The following ZNG1F variants were observed in gnomAD, a reference collection of about 807,000 sequenced individuals.
ZNG1F encodes Zn regulated GTPase metalloprotein activator 1F, also known as zinc-regulated GTPase metalloprotein activator 1F.
the ZNG1F span, among the ~76,000 whole-genome samples, chr9:41,201,350 C>A: frequency 9.0e-6 from 1 of 111,380 alleles, no homozygotes; most frequent in African/African-American, 3.1e-5. Context: ...ACATGAACTA[C>A]CTCAGGGAGT....
At chr9:41,183,810 G>A in the ZNG1F span, 2 of 1,247,586 alleles carry the variant, frequency 1.6e-6, no homozygotes, top group South Asian at 1.5e-5. Flanking sequence ...TATTCATGCA[G>A]CCTTGATACC....
chr9:41,183,335 T>G, the ZNG1F span, among the ~76,000 whole-genome samples: 2 of 123,150 alleles, frequency 1.6e-5, no homozygotes, highest in African/African-American at 3.2e-5. Flanking sequence ...AGCCCTGACA[T>G]CAAAAGCAAT....
At chr9:41,175,087 C>G in the ZNG1F span, among the ~76,000 whole-genome samples, 1 of 145,316 alleles carries the variant, frequency 6.9e-6, no homozygotes, top group Non-Finnish European at 1.5e-5. Flanking sequence ...CAGTTAGTGA[C>G]AGGGCTGTCT....
chr9:41,175,133 A>T, the ZNG1F span, among the ~76,000 whole-genome samples: 1 of 148,510 alleles, frequency 6.7e-6, no homozygotes, highest in East Asian at 2.0e-4. Context: ...AAGGATAATC[A>T]AACTCATTCC....
chr9:41,203,075 A>G, the ZNG1F span, among the ~76,000 whole-genome samples: 2 of 152,354 alleles, frequency 1.3e-5, no homozygotes, highest in Admixed American at 1.3e-4. Context: ...CAGGTTATAT[A>G]TTTTTGGCAG....
the ZNG1F span, among the ~76,000 whole-genome samples, chr9:41,155,361 G>A: frequency 6.7e-6 from 1 of 148,966 alleles, no homozygotes; most frequent in South Asian, 2.1e-4. Context: ...AACAACAGGT[G>A]CTGGAGAGGA....
the ZNG1F span, among the ~76,000 whole-genome samples, chr9:41,150,035 G>A: frequency 2.6e-4 from 10 of 38,024 alleles, 5 homozygotes; most frequent in African/African-American, 3.4e-4. Context: ...GAAGACAGGC[G>A]ATTTCTACAT....
chr9:41,199,741 T>C, the ZNG1F span, among the ~76,000 whole-genome samples: 7 of 152,054 alleles, frequency 4.6e-5, no homozygotes, highest in African/African-American at 9.7e-5. Flanking sequence ...GACCCACCCC[T>C]ACAGCAAACT....
At chr9:41,132,041 T>C in the ZNG1F span, 6 of 1,389,914 alleles carry the variant, frequency 4.3e-6, no homozygotes, top group Non-Finnish European at 5.8e-6. Flanking sequence ...TTTCTAAAAT[T>C]GAAGAAGAAC....
At chr9:41,154,700 G>A in the ZNG1F span, among the ~76,000 whole-genome samples, 37 of 149,122 alleles carry the variant, frequency 2.5e-4, 3 homozygotes, top group East Asian at 5.9e-4. Flanking sequence ...AAATAATGCC[G>A]CATATCTACA....
the ZNG1F span, among the ~76,000 whole-genome samples, chr9:41,183,924 C>A: frequency 6.8e-6 from 1 of 147,912 alleles, no homozygotes; most frequent in Non-Finnish European, 1.5e-5. Flanking sequence ...CTCCTTAGGC[C>A]TCTTACTTGG....
chr9:41,204,748 G>A, the ZNG1F span, among the ~76,000 whole-genome samples: 2 of 43,802 alleles, frequency 4.6e-5, no homozygotes, highest in African/African-American at 1.0e-4. Context: ...CACTTCCAAC[G>A]TTTAATTTTG....
the ZNG1F span, chr9:41,183,538 A>G: frequency 9.5e-6 from 15 of 1,570,896 alleles, 1 homozygote; most frequent in East Asian, 3.4e-4. Context: ...CTAGTAAACC[A>G]TGTACACAGT....
At chr9:41,144,421 G>A in the ZNG1F span, among the ~76,000 whole-genome samples, 3 of 123,316 alleles carry the variant, frequency 2.4e-5, no homozygotes, top group Admixed American at 8.9e-5. Flanking sequence ...CTATCTCCAA[G>A]GACTTGTATT....
chr9:41,183,168 G>A, the ZNG1F span, among the ~76,000 whole-genome samples: 1 of 138,462 alleles, frequency 7.2e-6, no homozygotes, highest in East Asian at 2.1e-4. Context: ...CACTGTCCTT[G>A]GAAACTTAAC....
the ZNG1F span, chr9:41,164,939 G>C: frequency 1.3e-6 from 2 of 1,525,968 alleles, no homozygotes; most frequent in South Asian, 2.3e-5. Context: ...AACAATCAGA[G>C]TAAAAAACAT....
At chr9:41,202,230 A>G in the ZNG1F span, among the ~76,000 whole-genome samples, 1 of 146,420 alleles carries the variant, frequency 6.8e-6, no homozygotes, top group Non-Finnish European at 1.5e-5. Context: ...CCAGAATGTA[A>G]ATGTTCATTT....
the ZNG1F span, among the ~76,000 whole-genome samples, chr9:41,140,112 TAA>T: frequency 7.1e-6 from 1 of 140,588 alleles, no homozygotes; most frequent in Non-Finnish European, 1.5e-5. Context: ...GGTCTCACGT[TAA>T]GTGTTTTTTA....
chr9:41,166,539 T>C, the ZNG1F span, among the ~76,000 whole-genome samples: 1 of 132,366 alleles, frequency 7.6e-6, no homozygotes, highest in South Asian at 2.3e-4. Context: ...ATTTCCCGAG[T>C]TCCTCAAAAT....
Sources: allele counts gnomAD v4.1 joint callset (sites outside exome capture counted in the v4.1 genomes callset), GRCh38; gene constraint gnomAD v4.1.1; transcripts MANE v1.5; gene names NCBI Gene and HGNC (gene_info 2026-07-23, HGNC 2026-07-21).